The following DSE variants were observed in gnomAD, a reference collection of about 807,000 sequenced individuals.
DSE encodes dermatan-sulfate epimerase.
In DSE, 36 loss-of-function variants were observed where a neutral mutation model predicts 84.4. The observed-to-expected ratio is 0.43, with a 90% CI of 0.33 to 0.56. The LOEUF (loss-of-function observed/expected upper bound fraction) is 0.56. Ranked by LOEUF, DSE falls within the 20% of genes least tolerant of loss-of-function variation. The pLI is 0.06. For synonymous variants in DSE, 410 were observed against 430.1 expected (o/e 0.95, Z 0.58); for missense variants, 862 against 1,169.6 (o/e 0.74, Z 3.84).
At chr6:116,413,064 A>G (rs1040800998) in intron 2 of DSE, among the ~76,000 whole-genome samples, 7 of 152,110 alleles carry the variant, frequency 4.6e-5, no homozygotes, top group East Asian at 1.9e-4. Flanking sequence ...AGTATTCCAT[A>G]ATGTATATGT....
In DSE at chr6:116,383,502, A is replaced by G. The variant is rs149045873; in HGVS notation, c.-54+12381A>G. On this transcript the variant is annotated intron_variant, in intron 1 of 5. Transcript: ENST00000644252. Reference sequence around the variant, plus strand: ...AGAATGAAATAAGGACAACTTACTCACCTAGATAAGGATATAGACTCCGCA... The same window carrying G: ...AGAATGAAATAAGGACAACTTACTCGCCTAGATAAGGATATAGACTCCGCA... 6.3e-3 allele frequency among the ~76,000 whole-genome samples: 955 copies of G among 152,330 alleles called. 7 individuals are homozygous for G. The highest frequency in any genetic ancestry group is 0.01 in the Middle Eastern group (3 of 294).
chr6:116,434,827 T>C (rs1784052867), intron 5 of DSE, among the ~76,000 whole-genome samples: 3 of 152,198 alleles, frequency 2.0e-5, no homozygotes, highest in Admixed American at 6.5e-5. Context: ...CTCTAGGTGA[T>C]TGATTTACTT....
intron 2 of DSE, among the ~76,000 whole-genome samples, chr6:116,340,120 G>T (rs1350300677): frequency 1.3e-5 from 2 of 152,186 alleles, no homozygotes; most frequent in Non-Finnish European, 2.9e-5. Flanking sequence ...CAGGCAGAAG[G>T]TTTATCTGCT....
chr6:116,387,900 A>G (rs1235804490), intron 1 of DSE, among the ~76,000 whole-genome samples: 1 of 152,134 alleles, frequency 6.6e-6, no homozygotes, highest in East Asian at 1.9e-4. Context: ...AGGGAAGAGG[A>G]AGAGTGTGGT....
chr6:116,345,688 C>T (rs1234836383), intron 2 of DSE, among the ~76,000 whole-genome samples: 1 of 151,996 alleles, frequency 6.6e-6, no homozygotes, highest in East Asian at 1.9e-4. Flanking sequence ...AATTGACACC[C>T]TAAGATCACA....
chr6:116,265,843 T>C (rs1772598521), intron 2 of DSE, among the ~76,000 whole-genome samples: 1 of 152,180 alleles, frequency 6.6e-6, no homozygotes, highest in East Asian at 1.9e-4. Flanking sequence ...GGGGACAGCC[T>C]TCCCTAGTTG....
At chr6:116,349,033 G>A (rs1337473630) in intron 2 of DSE, among the ~76,000 whole-genome samples, 2 of 152,112 alleles carry the variant, frequency 1.3e-5, no homozygotes, top group Non-Finnish European at 2.9e-5. Context: ...TGAGTTAACA[G>A]GTGCAGCAAA....
At chr6:116,432,279 G>T (rs2637671) in intron 4 of DSE, among the ~76,000 whole-genome samples, 11,220 of 152,176 alleles carry the variant, frequency 0.074, 565 homozygotes, top group African/African-American at 0.14. Context: ...CTGTGTCTGT[G>T]GCTACTTCCT....
chr6:116,370,980 C>T lies in DSE; in HGVS notation c.-195C>T, dbSNP rs899665674. On this transcript the variant is annotated 5_prime_UTR_variant, in exon 1 of 6. Transcript: ENST00000644252. ...CGCCCGAGGCTGCAGCAGCGCATCC[C>T]GGGGCATGGCGCGGCGGGGGCGCGG... The T allele has an allele frequency of 1.0e-6, 1 of 985,182 alleles. No individual in the cohort carries two copies. Among genetic ancestry groups the T allele is most frequent in the Non-Finnish European group, 1.2e-6 (1 of 830,000 alleles). 61.0% of individuals were successfully genotyped at this position (985,182 alleles called of 1,614,324 possible).
At chr6:116,411,604 A>C (rs1463531287) in intron 2 of DSE, among the ~76,000 whole-genome samples, 1 of 152,254 alleles carries the variant, frequency 6.6e-6, no homozygotes, top group Non-Finnish European at 1.5e-5. Context: ...TCAGTATTAC[A>C]AGAAAAAAAT....
chr6:116,389,597 T>A (rs1229897182), intron 1 of DSE, among the ~76,000 whole-genome samples: 2 of 152,090 alleles, frequency 1.3e-5, no homozygotes, highest in African/African-American at 2.4e-5. Context: ...GGAAGAAAAA[T>A]TTTACTTTGG....
intron 2 of DSE, among the ~76,000 whole-genome samples, chr6:116,281,733 T>C (rs920619518): frequency 6.6e-6 from 1 of 152,234 alleles, no homozygotes; most frequent in African/African-American, 2.4e-5. Context: ...ATCCCATAGA[T>C]TATTAAAATG....
intron 2 of DSE, among the ~76,000 whole-genome samples, chr6:116,359,360 A>T (rs1374962451): frequency 6.6e-6 from 1 of 152,076 alleles, no homozygotes; most frequent in African/African-American, 2.4e-5. Flanking sequence ...CCTCCTTCTA[A>T]ACCTCCATAC....
At chr6:116,311,593 A>G (rs1775699079) in intron 2 of DSE, among the ~76,000 whole-genome samples, 2 of 152,218 alleles carry the variant, frequency 1.3e-5, no homozygotes, top group African/African-American at 4.8e-5. Context: ...TGCACCAATA[A>G]AAAAGAATGA....
chr6:116,349,618 G>A (rs1394815842), intron 2 of DSE, among the ~76,000 whole-genome samples: 1 of 152,170 alleles, frequency 6.6e-6, no homozygotes, highest in Admixed American at 6.5e-5. Context: ...TACCAAATAT[G>A]CTGCTGGGAG....
chr6:116,348,117 A>G (rs945819418), intron 2 of DSE, among the ~76,000 whole-genome samples: 6 of 152,182 alleles, frequency 3.9e-5, no homozygotes, highest in African/African-American at 1.4e-4. Flanking sequence ...CACCAGTTAG[A>G]ATGGCAATCA....
At chr6:116,307,942 C>T (rs1309882935) in intron 2 of DSE, among the ~76,000 whole-genome samples, 1 of 152,192 alleles carries the variant, frequency 6.6e-6, no homozygotes, top group Non-Finnish European at 1.5e-5. Flanking sequence ...TTTCAATAGT[C>T]ATCTCTATCA....
chr6:116,344,363 A>T (rs1028061567), intron 2 of DSE, among the ~76,000 whole-genome samples: 1 of 152,230 alleles, frequency 6.6e-6, no homozygotes, highest in African/African-American at 2.4e-5. Context: ...TGAAGGAAAA[A>T]ATGTTAAGGG....
At chr6:116,319,304 T>G (rs1776164570) in intron 2 of DSE, among the ~76,000 whole-genome samples, 1 of 152,234 alleles carries the variant, frequency 6.6e-6, no homozygotes, top group Non-Finnish European at 1.5e-5. Context: ...CAACCAAAGC[T>G]TATTTTTAGC....
Sources: gnomAD v4.1 joint callset for allele counts (sites outside exome capture counted in the v4.1 genomes callset) on GRCh38, gnomAD v4.1.1 for gene constraint, MANE v1.5 for transcripts, NCBI Gene and HGNC (gene_info 2026-07-23, HGNC 2026-07-21) for gene names.